ZNF66: variants seen among roughly 807,000 people sequenced by gnomAD.
ZNF66 encodes the protein zinc finger protein 66.
Under a neutral mutation model 35.2 loss-of-function variants are expected in ZNF66, and 32 were observed. The ratio of observed to expected loss-of-function variants is 0.91; its 90% CI spans 0.69 to 1.22. ZNF66 has a LOEUF of 1.22. Among genes scored for constraint, ZNF66 ranks in the 50% most tolerant of loss-of-function variants. The probability of loss-of-function intolerance (pLI) is 0.00; values close to 1 mark genes in which losing one functional copy is unlikely to be tolerated. For missense variants in ZNF66, 666 were observed against 543.1 expected (o/e 1.23, Z -2.25); for synonymous variants, 231 against 181.3 (o/e 1.27, Z -2.20).
rs1971542502 is a variant in ZNF66, at chr19:20,808,047, C to T, written c.*725C>T. Among the ~76,000 whole-genome samples the T allele has an allele frequency of 6.6e-6, 1 of 152,198 alleles. No homozygotes were observed. The highest frequency in any genetic ancestry group is 1.5e-5 in the Non-Finnish European group (1 of 68,042). On this transcript the variant is annotated 3_prime_UTR_variant, in exon 4 of 4. Coordinates refer to ENST00000344519, the MANE Select transcript of ZNF66 (RefSeq NM_001355197.2). The stretch of plus-strand genomic sequence containing the variant: ...ATTCCAATGGGCTTAAAAAATGGCA[C>T]ACCAGATTATATCCTGCAGCTGGCT...
intron 3 of ZNF66, among the ~76,000 whole-genome samples, chr19:20,794,951 A>G (rs1971377478): frequency 6.7e-6 from 1 of 148,882 alleles, no homozygotes; most frequent in South Asian, 2.1e-4. Flanking sequence ...GACTCACTGC[A>G]ACCTTTGCCT....
chr19:20,799,315 A>G (rs1303673142), intron 3 of ZNF66: 1 of 149,390 alleles, frequency 6.7e-6, no homozygotes, highest in African/African-American at 2.5e-5. Context: ...GCCCACCTCA[A>G]CCTCCCAAAG....
rs1971567843 is a variant in ZNF66 at position 20,809,594 on chromosome 19, A to C, written c.*2272A>C. Among the ~76,000 whole-genome samples, 1 of 151,828 alleles carries C rather than the reference A, an allele frequency of 6.6e-6. No homozygotes were observed. The highest frequency in any genetic ancestry group is 1.5e-5 in the Non-Finnish European group (1 of 67,846). On this transcript the variant is annotated 3_prime_UTR_variant, in exon 4 of 4. Coordinates refer to ENST00000344519, the MANE Select transcript of ZNF66 (RefSeq NM_001355197.2). ...CCAGCCAAACTAAGCTTCATAAGTGAAGGAGAAATAAAATACTTTACAGAC... is the reference window on the plus strand; with the variant it reads ...CCAGCCAAACTAAGCTTCATAAGTGCAGGAGAAATAAAATACTTTACAGAC...
intron 3 of ZNF66, among the ~76,000 whole-genome samples, chr19:20,803,529 T>G (rs1420365882): frequency 6.6e-6 from 1 of 151,922 alleles, no homozygotes; most frequent in Admixed American, 6.6e-5. Flanking sequence ...GCCAATTATA[T>G]TTTTTATGTT....
intron 3 of ZNF66, chr19:20,799,384 G>T (rs1204699343): frequency 1.3e-5 from 2 of 151,974 alleles, no homozygotes; most frequent in Non-Finnish European, 2.9e-5. Flanking sequence ...TTTAGATATA[G>T]ATTTATAAAT....
chr19:20,782,596 G>A (rs1357866923), intron 1 of ZNF66, among the ~76,000 whole-genome samples: 8 of 151,928 alleles, frequency 5.3e-5, no homozygotes, highest in African/African-American at 1.9e-4. Flanking sequence ...ATCTCATTGT[G>A]GTTTTTCTTT....
chr19:20,805,597 G>A (rs193218440), intron 3 of ZNF66, among the ~76,000 whole-genome samples: 3 of 151,456 alleles, frequency 2.0e-5, no homozygotes, highest in Non-Finnish European at 4.4e-5. Context: ...TCTTTGCATT[G>A]TACTCACCTT....
At chr19:20,800,351 A>G (rs1440727790) in intron 3 of ZNF66, among the ~76,000 whole-genome samples, 1 of 152,186 alleles carries the variant, frequency 6.6e-6, no homozygotes, top group East Asian at 1.9e-4. Flanking sequence ...AACAGAATAC[A>G]CCAGATGCAA....
chr19:20,787,515 G>A (rs1971297315), intron 1 of ZNF66, among the ~76,000 whole-genome samples: 1 of 152,148 alleles, frequency 6.6e-6, no homozygotes, highest in African/African-American at 2.4e-5. Context: ...GATAGAAAAT[G>A]TACAGAAAAC....
chr19:20,801,501 AC>A, intron 3 of ZNF66, among the ~76,000 whole-genome samples: 1 of 151,838 alleles, frequency 6.6e-6, no homozygotes, highest in East Asian at 1.9e-4. Context: ...ATGCCACCAC[AC>A]CTGGCTAATT....
At chr19:20,803,512 TGA>T (rs751952641) in intron 3 of ZNF66, among the ~76,000 whole-genome samples, 71 of 152,132 alleles carry the variant, frequency 4.7e-4, no homozygotes, top group Non-Finnish European at 8.7e-4. Flanking sequence ...ATTTTGTTAT[TGA>T]GTTTGCCAAT....
Position 20,776,342 on chromosome 19 carries a change from C to T in ZNF66, c.-106C>T, listed in dbSNP as rs2144886304. ...GCTGGAGCTCCAGGTCGTCTGTTCA[C>T]TGCTCTCTGTCTTCTTCTCCTAGAG... On this transcript the variant is annotated 5_prime_UTR_variant, in exon 1 of 4. Transcript: ENST00000344519. 2 of 1,477,678 alleles carry T rather than the reference C, an allele frequency of 1.4e-6. No homozygotes were observed. The highest frequency in any genetic ancestry group is 2.3e-5 in the East Asian group (1 of 43,896). The allele number at this position is 1,477,678 out of a possible 1,614,324, so 91.5% of individuals were successfully genotyped here. A position where few individuals can be genotyped will look rare whatever the true frequency, so the allele number is the denominator to read the frequency against.
intron 2 of ZNF66, among the ~76,000 whole-genome samples, chr19:20,793,332 CTTT>C (rs781748526): frequency 2.4e-5 from 2 of 84,610 alleles, no homozygotes; most frequent in African/African-American, 9.3e-5. Context: ...CTTTTCTTTT[CTTT>C]TTTTTTTTTT....
At chr19:20,784,327 A>T (rs990598945) in intron 1 of ZNF66, among the ~76,000 whole-genome samples, 1 of 152,208 alleles carries the variant, frequency 6.6e-6, no homozygotes, top group African/African-American at 2.4e-5. Flanking sequence ...TCATACTTAG[A>T]TATTTATATC....
At chr19:20,804,971 G>T (rs1411488999) in intron 3 of ZNF66, among the ~76,000 whole-genome samples, 3 of 151,950 alleles carry the variant, frequency 2.0e-5, no homozygotes, top group Admixed American at 2.0e-4. Context: ...AACTTATATC[G>T]TCATTTCCTT....
intron 1 of ZNF66, among the ~76,000 whole-genome samples, chr19:20,777,104 G>C (rs1409907485): frequency 8.9e-6 from 1 of 112,070 alleles, no homozygotes; most frequent in Non-Finnish European, 1.7e-5. Flanking sequence ...GACAGAGCAA[G>C]ACTCTTGTCT....
chr19:20,776,610 C>T (rs1479860445), intron 1 of ZNF66, 160 bp downstream of exon 1: 14 of 1,067,722 alleles, frequency 1.3e-5, no homozygotes, highest in South Asian at 2.9e-5. Flanking sequence ...GACAGCCTGG[C>T]CCCCGGGCGT....
chr19:20,783,239 C>T (rs981968398), intron 1 of ZNF66, among the ~76,000 whole-genome samples: 1 of 152,100 alleles, frequency 6.6e-6, no homozygotes, highest in Admixed American at 6.6e-5. Context: ...ATCTTTCTCT[C>T]TTCTCCTTTT....
At chr19:20,802,691 T>G (rs1050195384) in intron 3 of ZNF66, among the ~76,000 whole-genome samples, 2 of 145,062 alleles carry the variant, frequency 1.4e-5, no homozygotes, top group Non-Finnish European at 1.5e-5. Flanking sequence ...TATACCTTCA[T>G]TAGAAATAAT....
Sources: gnomAD v4.1 joint callset for allele counts (sites outside exome capture counted in the v4.1 genomes callset) on GRCh38, gnomAD v4.1.1 for gene constraint, MANE v1.5 for transcripts, NCBI Gene and HGNC (gene_info 2026-07-23, HGNC 2026-07-21) for gene names.